The following FAM149B1 variants were observed in gnomAD, a reference collection of about 807,000 sequenced individuals.
FAM149B1 encodes the protein family with sequence similarity 149 member B1.
In FAM149B1, 56 loss-of-function variants were observed where a neutral mutation model predicts 75.3. The observed-to-expected ratio is 0.74, with a 90% confidence interval of 0.60 to 0.93. The LOEUF (loss-of-function observed/expected upper bound fraction) is 0.93. Ranked by LOEUF, FAM149B1 falls within the 40% of genes least tolerant of loss-of-function variation. The probability of loss-of-function intolerance (pLI) is 0.00; values close to 1 mark genes in which losing one functional copy is unlikely to be tolerated. For synonymous variants in FAM149B1, 259 were observed against 256.1 expected, an observed-to-expected ratio of 1.01 and a Z score of -0.11; for missense variants, 639 against 708.4, an observed-to-expected ratio of 0.90 and a Z score of 1.11.
intron 7 of FAM149B1, among the ~76,000 whole-genome samples, chr10:73,218,272 TG>T (rs1199696776): frequency 6.6e-6 from 1 of 152,204 alleles, no homozygotes; most frequent in Non-Finnish European, 1.5e-5. Flanking sequence ...CTCCATTCTC[TG>T]GGTGCCTGGT....
At chr10:73,224,094 G>A (rs74758445) in intron 7 of FAM149B1, among the ~76,000 whole-genome samples, 15,932 of 152,128 alleles carry the variant, frequency 0.1, 1,209 homozygotes, top group East Asian at 0.31. Context: ...TCATGAAATG[G>A]AGCTGGAGGA....
Position 73,242,010 on chromosome 10 carries a change from ATGC to A in FAM149B1, c.*992_*994del, listed in dbSNP as rs2043959929. 6.6e-6 allele frequency: 1 copy of A among 152,196 alleles called. No homozygotes were observed. Among genetic ancestry groups the A allele is most frequent in the Non-Finnish European group, 1.5e-5 (1 of 68,032 alleles). 9.4% of individuals were successfully genotyped at this position (152,196 alleles called of 1,614,324 possible). ...TCACTAAATACAAATCTTGATTGTC[ATGC>A]CAGTTTTAGATCTTATTAATTTTCA... On this transcript the variant is annotated 3_prime_UTR_variant, in exon 14 of 14. Coordinates refer to ENST00000242505, the MANE Select transcript of FAM149B1 (RefSeq NM_173348.2).
At chr10:73,231,222 C>T (rs2043689466) in intron 9 of FAM149B1, 1 of 152,146 alleles carries the variant, frequency 6.6e-6, no homozygotes, top group Non-Finnish European at 1.5e-5. Context: ...TCCATCTGCT[C>T]TCCTGTTAAT....
intron 1 of FAM149B1, 46 bp downstream of exon 1, chr10:73,168,432 C>T (rs2133284067): frequency 1.9e-6 from 3 of 1,546,160 alleles, no homozygotes; most frequent in Non-Finnish European, 1.7e-6. Flanking sequence ...GCGGCGGGCG[C>T]TCTGGGGACC....
chr10:73,228,197 G>A lies in FAM149B1; in HGVS notation c.1023+13G>A, dbSNP rs2043600586. On this transcript the variant is annotated intron_variant, in intron 8 of 13. Transcript: ENST00000242505. ...TACCTCAAATCCGGTAAGCCCCAGA[G>A]GGATCAGTTGGAGACCCCAGGGCTA... 1.9e-6 allele frequency: 3 copies of A among 1,551,520 alleles called. No homozygotes were observed. The highest frequency in any genetic ancestry group is 1.7e-6 in the Non-Finnish European group (2 of 1,146,844).
At chr10:73,225,724 G>GA (rs1291923056) in intron 7 of FAM149B1, among the ~76,000 whole-genome samples, 1 of 152,192 alleles carries the variant, frequency 6.6e-6, no homozygotes, top group African/African-American at 2.4e-5. Context: ...GACTCACTCA[G>GA]AGCAACTTTC....
rs1291339707 is a variant in FAM149B1 at position 73,228,134 on chromosome 10, G to C, written c.973G>C (p.Val325Leu). The change falls in exon 8 of 14, where the codon GTG (valine) becomes CTG (leucine). Residue 325 changes from valine (V) to leucine (L), a missense_variant. Val to Leu is a conservative substitution (Grantham distance 32). Coordinates refer to ENST00000242505, the MANE Select transcript of FAM149B1 (RefSeq NM_173348.2). ...SCVLSELHPL[V>L]LPRVPQSKVL... Reference sequence around the variant, plus strand: ...TGTGCTGAGTGAACTACATCCTTTGGTGTTACCGCGAGTGCCACAGTCTAA... The same window carrying C: ...TGTGCTGAGTGAACTACATCCTTTGCTGTTACCGCGAGTGCCACAGTCTAA... 1.3e-6 allele frequency: 2 copies of C among 1,551,494 alleles called. No individual in the cohort carries two copies. Among genetic ancestry groups the C allele is most frequent in the South Asian group, 2.4e-5 (2 of 84,046 alleles).
intron 1 of FAM149B1, among the ~76,000 whole-genome samples, chr10:73,168,655 G>A (rs1011620613): frequency 6.6e-6 from 1 of 152,202 alleles, no homozygotes; most frequent in African/African-American, 2.4e-5. Flanking sequence ...CATTGTTAAT[G>A]GCCATGGTAG....
At chr10:73,215,395 A>G (rs563466676) in intron 7 of FAM149B1, among the ~76,000 whole-genome samples, 1 of 151,114 alleles carries the variant, frequency 6.6e-6, no homozygotes, top group Non-Finnish European at 1.5e-5. Flanking sequence ...AATTAAAAAA[A>G]TTTTTTTTTA....
At chr10:73,201,449 T>A (rs2042936743) in intron 5 of FAM149B1, among the ~76,000 whole-genome samples, 1 of 152,252 alleles carries the variant, frequency 6.6e-6, no homozygotes. Flanking sequence ...AGGATAGGTA[T>A]AAAAGATGAG....
chr10:73,173,913 A>C lies in FAM149B1; in HGVS notation c.48-774A>C, dbSNP rs190798306. The stretch of plus-strand genomic sequence containing the variant: ...TTTAAACCTGTGTTGTTCAAGGTCA[A>C]CTGTAGTAGTTAATGGTTTTTCTAT... On this transcript the variant is annotated intron_variant, in intron 1 of 13. Coordinates refer to ENST00000242505, the MANE Select transcript of FAM149B1 (RefSeq NM_173348.2). Among the ~76,000 whole-genome samples the C allele has an allele frequency of 4.0e-3, 603 of 152,328 alleles. 10 individuals are homozygous for C. The highest frequency in any genetic ancestry group is 0.014 in the African/African-American group (578 of 41,572).
chr10:73,234,530 G>C, intron 10 of FAM149B1: 1 of 335,594 alleles, frequency 3.0e-6, no homozygotes, highest in East Asian at 6.7e-5. Context: ...CAGCAGAGAA[G>C]TGCAATACCA....
At chr10:73,177,748 A>ACACATATATTTATTTGTACACAT in intron 2 of FAM149B1, 98 bp from the exon 3 acceptor site, 3 of 1,045,134 alleles carry the variant, frequency 2.9e-6, no homozygotes, top group African/African-American at 3.3e-5. Flanking sequence ...TACACATGTT[A>ACACATATATTTATTTGTACACAT]ATCACCTAGT....
chr10:73,228,899 CCT>C (rs2043619298), intron 8 of FAM149B1, among the ~76,000 whole-genome samples: 1 of 152,136 alleles, frequency 6.6e-6, no homozygotes, highest in Admixed American at 6.5e-5. Context: ...GCACCTGGTC[CCT>C]GTTTGTTTTT....
In FAM149B1 at chr10:73,208,753, T is replaced by C. The variant is rs769400386; in HGVS notation, c.677T>C (p.Ile226Thr). The part of the protein sequence containing the change: ...EDSIIVSEGI[I>T]EEYLAFDHID... ...TCTATAATCGTCTCAGAAGGAATAA[T>C]TGAGGAATACCTAGCATTCGATCAC... is the stretch of plus-strand genomic sequence containing the variant. The change falls in exon 6 of 14, where the codon ATT becomes ACT. Residue 226 changes from isoleucine (I) to threonine (T), a missense_variant. By Grantham distance (89) the Ile-to-Thr change is moderately conservative (BLOSUM62 -1). Transcript: ENST00000242505. 8.5e-6 allele frequency: 13 copies of C among 1,534,610 alleles called. No homozygotes were observed. Among genetic ancestry groups the C allele is most frequent in the South Asian group, 3.7e-5 (3 of 80,974 alleles).
chr10:73,210,833 G>GA (rs912303294), intron 7 of FAM149B1, among the ~76,000 whole-genome samples: 11 of 145,462 alleles, frequency 7.6e-5, no homozygotes, highest in African/African-American at 2.0e-4. Context: ...CAAAAAAGAA[G>GA]AAAAAAAAAA....
chr10:73,200,500 GAT>G (rs1234096874), intron 5 of FAM149B1: 1 of 630,836 alleles, frequency 1.6e-6, no homozygotes, highest in Non-Finnish European at 2.9e-6. Context: ...GAGAATGTGT[GAT>G]ATGTTAAACA....
At chr10:73,196,647 A>AT (rs899383335) in intron 5 of FAM149B1, among the ~76,000 whole-genome samples, 24 of 151,812 alleles carry the variant, frequency 1.6e-4, no homozygotes, top group African/African-American at 4.8e-4. Context: ...ATTAAATCAG[A>AT]TTTTTTTTTA....
At position 73,241,057 on chromosome 10, in the gene FAM149B1, G is replaced by A. The variant is rs539137604; in HGVS notation, c.*38G>A. The A allele has an allele frequency of 2.0e-5, 23 of 1,130,174 alleles. No homozygotes were observed. The highest frequency in any genetic ancestry group is 1.3e-4 in the East Asian group (5 of 38,502). 70.0% of individuals were successfully genotyped at this position (1,130,174 alleles called of 1,614,324 possible). A position where few individuals can be genotyped will look rare whatever the true frequency, so the allele number is the denominator to read the frequency against. On this transcript the variant is annotated 3_prime_UTR_variant, in exon 14 of 14. Transcript: ENST00000242505. ...GAATCTATCAGGCTGCAGGAAACAC[G>A]AGATTTCATGAAGCAGTATTCAGTC...
Sources: gnomAD v4.1 joint callset for allele counts (sites outside exome capture counted in the v4.1 genomes callset) on GRCh38, gnomAD v4.1.1 for gene constraint, MANE v1.5 for transcripts, NCBI Gene and HGNC (gene_info 2026-07-23, HGNC 2026-07-21) for gene names.